The following ZYG11A variants were observed in gnomAD, a reference collection of about 807,000 sequenced individuals.
The protein encoded by ZYG11A is zyg-11 family member A, cell cycle regulator, also known as protein zyg-11 homolog A.
A neutral mutation model predicts 77.2 loss-of-function variants in ZYG11A; 62 were observed. The ratio of observed to expected loss-of-function variants is 0.80; its 90% confidence interval spans 0.65 to 0.99. The LOEUF (loss-of-function observed/expected upper bound fraction) is 0.99. Among genes scored for constraint, ZYG11A ranks in the 50% least tolerant of loss-of-function variants. The pLI, the probability that ZYG11A is intolerant of heterozygous loss-of-function variation, is 0.00. For synonymous variants in ZYG11A, 315 were observed against 324.6 expected, an observed-to-expected ratio of 0.97 and a Z score of 0.32; for missense variants, 828 against 896.8, an observed-to-expected ratio of 0.92 and a Z score of 0.98.
chr1:52,861,172 C>G (rs1645920101), intron 4 of ZYG11A, among the ~76,000 whole-genome samples: 1 of 152,074 alleles, frequency 6.6e-6, no homozygotes, highest in African/African-American at 2.4e-5. Flanking sequence ...TTAAGGGTGG[C>G]CAAATCTACC....
intron 8 of ZYG11A, among the ~76,000 whole-genome samples, chr1:52,875,334 A>C (rs964968047): frequency 6.6e-6 from 1 of 152,210 alleles, no homozygotes; most frequent in Non-Finnish European, 1.5e-5. Flanking sequence ...TTTTTGATAT[A>C]ATTTAATGAG....
In ZYG11A at chr1:52,857,262, T is replaced by C. The variant is rs1347647462; in HGVS notation, c.521T>C (p.Leu174Ser). Residue 174 changes from leucine to serine, a missense_variant, in exon 3 of 14, where the codon TTA (leucine) becomes TCA (serine). Leu to Ser is a moderately radical substitution (Grantham distance 145). Coordinates refer to ENST00000371528, the MANE Select transcript of ZYG11A (RefSeq NM_001004339.3). The part of the protein sequence containing the change: ...DSTSIPQNSR[L>S]LFFSQLTGLR... ...ACAAGCATCCCTCAAAATTCAAGAT[T>C]ACTGTTCTTTAGTCAGCTCACTGGT... 2 of 1,552,084 alleles carry C rather than the reference T, an allele frequency of 1.3e-6. No homozygotes were observed. Among genetic ancestry groups the C allele is most frequent in the African/African-American group, 2.7e-5 (2 of 73,060 alleles).
At chr1:52,862,534 G>C (rs544441168) in intron 4 of ZYG11A, among the ~76,000 whole-genome samples, 6 of 151,650 alleles carry the variant, frequency 4.0e-5, no homozygotes, top group Non-Finnish European at 8.8e-5. Flanking sequence ...GGATGGTCTC[G>C]ATTTCCTGAC....
intron 13 of ZYG11A, among the ~76,000 whole-genome samples, chr1:52,890,794 C>T (rs1334775199): frequency 1.3e-5 from 2 of 151,894 alleles, no homozygotes; most frequent in Non-Finnish European, 1.5e-5. Flanking sequence ...CACATGGTCT[C>T]ACTACATTGC....
At chr1:52,860,135 C>CT (rs1327992837) in intron 3 of ZYG11A, among the ~76,000 whole-genome samples, 7 of 152,280 alleles carry the variant, frequency 4.6e-5, no homozygotes, top group Admixed American at 2.0e-4. Context: ...ACAAAAAGGA[C>CT]TACTGGTATT....
chr1:52,865,782 G>A (rs1182337529), intron 5 of ZYG11A, among the ~76,000 whole-genome samples: 2 of 152,068 alleles, frequency 1.3e-5, no homozygotes, highest in African/African-American at 2.4e-5. Context: ...GTAATTTTCC[G>A]AGGATAGGGT....
At chr1:52,856,827 A>T (rs904039737) in intron 2 of ZYG11A, among the ~76,000 whole-genome samples, 171 bp from the exon 3 acceptor site, 3 of 152,204 alleles carry the variant, frequency 2.0e-5, no homozygotes, top group Non-Finnish European at 2.9e-5. Flanking sequence ...TAATGCAAAG[A>T]ATACATGAGA....
At position 52,857,143 on chromosome 1, in the gene ZYG11A, A is replaced by C. The variant is rs1645827589; in HGVS notation, c.402A>C (p.Ala134=). 1.3e-6 allele frequency: 2 copies of C among 1,551,864 alleles called. No individual in the cohort carries two copies. The highest frequency in any genetic ancestry group is 8.7e-7 in the Non-Finnish European group (1 of 1,147,074). Residue 134 remains alanine (A), a synonymous_variant, in exon 3 of 14, where the codon GCA becomes GCC. Coordinates refer to ENST00000371528, the MANE Select transcript of ZYG11A (RefSeq NM_001004339.3). ...AGCTCATTGAACTGAATGCTACTGC[A>C]GTGCACGCTGACCTCCCAGTTCCAG... The part of the protein sequence containing the change: ...RHKLIELNAT[A]VHADLPVPDI...
intron 8 of ZYG11A, among the ~76,000 whole-genome samples, chr1:52,870,164 G>A (rs1217251244): frequency 3.0e-5 from 4 of 131,848 alleles, no homozygotes; most frequent in African/African-American, 1.0e-4. Flanking sequence ...GGGCAGAGAC[G>A]CTCTTCACTT....
intron 1 of ZYG11A, among the ~76,000 whole-genome samples, chr1:52,845,302 C>T (rs1229137526): frequency 7.3e-6 from 1 of 136,150 alleles, no homozygotes; most frequent in Non-Finnish European, 1.6e-5. Flanking sequence ...GCCTAATGGT[C>T]TGTGCTTTTT....
In ZYG11A at chr1:52,860,801, T is replaced by G; in HGVS notation, c.1079T>G (p.Val360Gly). Residue 360 changes from valine to glycine, a missense_variant, in exon 4 of 14, where the codon GTG becomes GGG. Physicochemically the swap from Val to Gly is moderately radical, Grantham distance 109. Transcript: ENST00000371528. Reference sequence around the variant, plus strand: ...CGATACAGGAACAGATCATGTTTTGTGAAGGAAGCCCTCCACAGGCTGTTC... The same window carrying G: ...CGATACAGGAACAGATCATGTTTTGGGAAGGAAGCCCTCCACAGGCTGTTC... Reference protein sequence around the residue: ...LSRYRNRSCFVKEALHRLFTE... With the variant: ...LSRYRNRSCFGKEALHRLFTE... The G allele has an allele frequency of 1.9e-6, 3 of 1,551,744 alleles. No individual in the cohort carries two copies. The South Asian group carries it at 3.6e-5, about 18-fold the overall frequency.
rs531228960 is a variant in ZYG11A, at chr1:52,886,145, G to A, written c.2006+251G>A. On this transcript the variant is annotated intron_variant, in intron 12 of 13. Coordinates refer to ENST00000371528, the MANE Select transcript of ZYG11A (RefSeq NM_001004339.3). ...GACGGGGTTTCACCATGTTAGCCAG[G>A]ATGGTCTCGATCTCCTGACCTCGTG... Among the ~76,000 whole-genome samples the A allele has an allele frequency of 2.0e-5, 3 of 152,182 alleles. No homozygotes were observed. The South Asian group carries it at 6.2e-4, about 32-fold the overall frequency.
rs1385513925 is a variant in ZYG11A at position 52,859,671 on chromosome 1, T to A, written c.1009-1060T>A. Among the ~76,000 whole-genome samples the A allele has an allele frequency of 1.9e-3, 82 of 42,346 alleles. 4 individuals carry two copies. The highest frequency in any genetic ancestry group is 3.7e-3 in the Admixed American group (22 of 5,880). The allele number at this position is 42,346 out of a possible 152,430, so 27.8% of individuals were successfully genotyped here. On this transcript the variant is annotated intron_variant, in intron 3 of 13. Coordinates refer to ENST00000371528, the MANE Select transcript of ZYG11A (RefSeq NM_001004339.3). ...TTTTATCTGTTTGTGTATTGCCTTT[T>A]TTTTTTTTTTTTTTTTTTTTTTTTG...
At position 52,881,538 on chromosome 1, in the gene ZYG11A, A is replaced by G. The variant is rs74990705; in HGVS notation, c.1817A>G (p.Asn606Ser). ...LVTEDVLKHI[N>S]SLLCSREMEV... is the part of the protein sequence containing the mutation. ...ACCGAAGATGTGCTGAAGCATATCA[A>G]CAGTTTACTCTGTAGCAGGGAAATG... Residue 606 changes from asparagine (N) to serine (S), a missense_variant, in exon 11 of 14, where the codon AAC becomes AGC. Asn to Ser is a conservative substitution (Grantham distance 46). Transcript: ENST00000371528. The G allele has an allele frequency of 2.8e-3, 4,330 of 1,552,020 alleles. 35 individuals are homozygous for G. The Middle Eastern group carries it at 0.042, about 15-fold the overall frequency.
chr1:52,889,699 A>G (rs935417247), intron 13 of ZYG11A, among the ~76,000 whole-genome samples: 2 of 146,750 alleles, frequency 1.4e-5, no homozygotes, highest in African/African-American at 5.1e-5. Flanking sequence ...GCTTATTTCA[A>G]TTTGCTAAAT....
At chr1:52,862,265 C>T (rs1162316410) in intron 4 of ZYG11A, among the ~76,000 whole-genome samples, 1 of 150,714 alleles carries the variant, frequency 6.6e-6, no homozygotes, top group Admixed American at 6.6e-5. Flanking sequence ...GTCCCAGCTA[C>T]TTGGGTGACT....
chr1:52,849,374 C>CT (rs912314983), intron 1 of ZYG11A, among the ~76,000 whole-genome samples: 7 of 150,428 alleles, frequency 4.7e-5, no homozygotes, highest in African/African-American at 1.7e-4. Flanking sequence ...AGCCTCTTTA[C>CT]TTTTTTTGAG....
At chr1:52,847,683 T>C (rs1427399303) in intron 1 of ZYG11A, among the ~76,000 whole-genome samples, 5 of 151,002 alleles carry the variant, frequency 3.3e-5, no homozygotes, top group Non-Finnish European at 7.4e-5. Context: ...TTTTTTTTTT[T>C]TCCTTGGGAC....
chr1:52,851,115 C>T (rs568881944), intron 1 of ZYG11A, among the ~76,000 whole-genome samples: 4 of 151,826 alleles, frequency 2.6e-5, no homozygotes, highest in Middle Eastern at 3.4e-3. Flanking sequence ...CGGCTCATTG[C>T]CTCACTGCAG....
Sources: allele counts gnomAD v4.1 joint callset (sites outside exome capture counted in the v4.1 genomes callset), GRCh38; gene constraint gnomAD v4.1.1; transcripts MANE v1.5; gene names NCBI Gene and HGNC (gene_info 2026-07-23, HGNC 2026-07-21).